Variants in SRSF9 observed in about 807,000 individuals in gnomAD.
SRSF9 encodes the protein serine/arginine-rich splicing factor 9.
Under a neutral mutation model 25.9 loss-of-function variants are expected in SRSF9, and 3 were observed. The ratio of observed to expected loss-of-function variants is 0.12; its 90% CI spans 0.05 to 0.30. The LOEUF is 0.30. SRSF9 is among the 10% of genes least tolerant of loss of function. The pLI is 1.00. For missense variants in SRSF9, 161 were observed against 303.5 expected, an observed-to-expected ratio of 0.53 and a Z score of 3.49; for synonymous variants, 114 against 113.2, an observed-to-expected ratio of 1.01 and a Z score of -0.05.
chr12:120,467,466 A>G (rs1205126841), intron 1 of SRSF9, among the ~76,000 whole-genome samples: 5 of 151,768 alleles, frequency 3.3e-5, no homozygotes, highest in African/African-American at 7.3e-5. Flanking sequence ...GTGCCGCTAC[A>G]CTCCAGCCTG....
At chr12:120,468,587 G>A (rs1183615096) in intron 1 of SRSF9, among the ~76,000 whole-genome samples, 1 of 152,138 alleles carries the variant, frequency 6.6e-6, no homozygotes, top group African/African-American at 2.4e-5. Context: ...CGCGTTCCCC[G>A]GGAGCAAATG....
intron 3 of SRSF9, chr12:120,463,366 A>G (rs1445147823): frequency 6.6e-6 from 1 of 151,086 alleles, no homozygotes; most frequent in African/African-American, 2.5e-5. Context: ...CCAGGAGTTC[A>G]AGGTCAGCCT....
chr12:120,465,698 C>G lies in SRSF9; in HGVS notation c.278G>C (p.Arg93Pro), dbSNP rs748728409. The G allele has an allele frequency of 6.2e-7, 1 of 1,604,462 alleles. No homozygotes were observed. Among genetic ancestry groups the G allele is most frequent in the Non-Finnish European group, 8.5e-7 (1 of 1,176,918 alleles). The change falls in exon 2 of 4, where the codon CGG becomes CCG. Residue 93 changes from arginine (R) to proline (P), a missense_variant. Transcript: ENST00000229390. ...RVEFPRTYGG[R>P]GGWPRGGRNG... is the part of the protein sequence containing the mutation. The stretch of plus-strand genomic sequence containing the variant: ...CCTCCCACCACGGGGCCACCCACCC[C>G]GACCTCCATAAGTCCTGGGGAACTC...
At chr12:120,468,826 A>C (rs1191489922) in intron 1 of SRSF9, among the ~76,000 whole-genome samples, 1 of 152,184 alleles carries the variant, frequency 6.6e-6, no homozygotes. Flanking sequence ...CCCTCATCAA[A>C]GGAGGGAAGT....
At chr12:120,463,858 A>C (rs917084654) in intron 3 of SRSF9, 92 bp downstream of exon 3, 11 of 1,442,480 alleles carry the variant, frequency 7.6e-6, no homozygotes, top group Admixed American at 6.7e-5. Flanking sequence ...CTGTGAGGTT[A>C]CCAAATGGCA....
In SRSF9 at chr12:120,464,296, T is replaced by C. The variant is rs960497367; in HGVS notation, c.350-174A>G. 4 of 678,256 alleles carry C rather than the reference T, an allele frequency of 5.9e-6. No individual in the cohort carries two copies. In the African/African-American group the frequency reaches 7.2e-5, roughly 12 times the overall value. The allele number at this position is 678,256 out of a possible 1,614,324, so 42.0% of individuals were successfully genotyped here. On this transcript the variant is annotated intron_variant, in intron 2 of 3. Coordinates refer to ENST00000229390, the MANE Select transcript of SRSF9 (RefSeq NM_003769.3). ...GAAAAGAGCACTGAAGTATGTGTGG[T>C]AAATGAACCACCTTGAGAAGCTGGT...
Position 120,469,628 on chromosome 12 carries a change from CGG to C in SRSF9, c.-21_-20del. On this transcript the variant is annotated 5_prime_UTR_variant, in exon 1 of 4. Coordinates refer to ENST00000229390, the MANE Select transcript of SRSF9 (RefSeq NM_003769.3). ...CCGACATCCGCACCGCCCGACGCCG[CGG>C]GCCCGCCGCAGCCCACGTCGCCGCC... 7.4e-7 allele frequency: 1 copy of C among 1,347,564 alleles called. No individual in the cohort carries two copies. Among genetic ancestry groups the C allele is most frequent in the Non-Finnish European group, 9.5e-7 (1 of 1,052,864 alleles). 83.5% of individuals were successfully genotyped at this position (1,347,564 alleles called of 1,614,324 possible). A position where few individuals can be genotyped will look rare whatever the true frequency, so the allele number is the denominator to read the frequency against.
chr12:120,463,853 A>G, intron 3 of SRSF9, 97 bp downstream of exon 3: 2 of 1,391,860 alleles, frequency 1.4e-6, no homozygotes, highest in Admixed American at 2.2e-5. Flanking sequence ...TGGTACTGTG[A>G]GGTTACCAAA....
At chr12:120,465,553 A>G (rs1768841875) in intron 2 of SRSF9, 74 bp downstream of exon 2, 1 of 1,472,116 alleles carries the variant, frequency 6.8e-7, no homozygotes, top group South Asian at 1.5e-5. Context: ...AATAACAGCT[A>G]TCATTTCTTG....
intron 1 of SRSF9, among the ~76,000 whole-genome samples, chr12:120,468,580 G>A (rs563776670): frequency 6.6e-6 from 1 of 152,308 alleles, no homozygotes; most frequent in South Asian, 2.1e-4. Flanking sequence ...AACATTCCGC[G>A]TTCCCCGGGA....
Position 120,469,562 on chromosome 12 carries a change from G to A in SRSF9, c.48C>T (p.Ile16=). The change falls in exon 1 of 4, where the codon ATC becomes ATT. Residue 16 remains isoleucine (I), a synonymous_variant. Transcript: ENST00000229390. ...DERGGEGDGR[I]YVGNLPTDVR... Reference sequence around the variant, plus strand: ...CGTCGGTCGGAAGGTTCCCCACGTAGATGCGCCCGTCGCCCTCGCCGCCGC... The same window carrying A: ...CGTCGGTCGGAAGGTTCCCCACGTAAATGCGCCCGTCGCCCTCGCCGCCGC... 2 of 1,571,132 alleles carry A rather than the reference G, an allele frequency of 1.3e-6. No homozygotes were observed. The highest frequency in any genetic ancestry group is 2.8e-5 in the African/African-American group (2 of 71,136).
intron 1 of SRSF9, 85 bp downstream of exon 1, chr12:120,469,337 G>T: frequency 1.0e-6 from 1 of 960,196 alleles, no homozygotes; most frequent in Non-Finnish European, 1.5e-6. Flanking sequence ...AGGCCGGGGG[G>T]AGGGGAGCCC....
intron 3 of SRSF9, chr12:120,463,717 T>C: frequency 2.3e-6 from 1 of 439,788 alleles, no homozygotes; most frequent in South Asian, 4.7e-5. Context: ...AATGTGATAC[T>C]AATATGCAGA....
At chr12:120,462,510 C>T (rs1401535705) in intron 3 of SRSF9, 1 of 184,208 alleles carries the variant, frequency 5.4e-6, no homozygotes, top group African/African-American at 2.4e-5. Context: ...TCTCAGGGGT[C>T]ATATAGTTTA....
In SRSF9 at chr12:120,469,466, C is replaced by T; in HGVS notation, c.144G>A (p.Arg48=). 1 of 1,598,830 alleles carries T rather than the reference C, an allele frequency of 6.3e-7. No homozygotes were observed. The highest frequency in any genetic ancestry group is 1.1e-5 in the South Asian group (1 of 89,204). The change falls in exon 1 of 4, where the codon CGG becomes CGA. Residue 48 remains arginine, a synonymous_variant. Transcript: ENST00000229390. ...CGAAGGCGAAGGGCACGAGGCCGTG[C>T]CGGTTCTTGAGCTCGATCTCGCGGA... ...GRIREIELKN[R]HGLVPFAFVR...
chr12:120,465,466 C>T, intron 2 of SRSF9, 161 bp downstream of exon 2: 1 of 685,964 alleles, frequency 1.5e-6, no homozygotes. Flanking sequence ...TTGCAGGATA[C>T]TTTCCTCATT....
At chr12:120,467,225 C>T (rs898583954) in intron 1 of SRSF9, among the ~76,000 whole-genome samples, 1 of 152,140 alleles carries the variant, frequency 6.6e-6, no homozygotes, top group African/African-American at 2.4e-5. Flanking sequence ...GGCCAGCATT[C>T]AGGCCAGGCG....
intron 2 of SRSF9, 41 bp downstream of exon 2, chr12:120,465,586 A>G: frequency 1.9e-6 from 3 of 1,546,584 alleles, no homozygotes; most frequent in Non-Finnish European, 2.6e-6. Flanking sequence ...TGTGTTAAGT[A>G]TTTTACATGT....
At chr12:120,462,253 T>G (rs1730113054) in intron 3 of SRSF9, 91 bp from the exon 4 acceptor site, 1 of 1,383,548 alleles carries the variant, frequency 7.2e-7, no homozygotes, top group South Asian at 1.4e-5. Flanking sequence ...AATAGTTAAG[T>G]ATTGAGCACT....
Sources: allele counts gnomAD v4.1 joint callset (sites outside exome capture counted in the v4.1 genomes callset), GRCh38; gene constraint gnomAD v4.1.1; transcripts MANE v1.5; gene names NCBI Gene and HGNC (gene_info 2026-07-23, HGNC 2026-07-21).